PRKAR1B: variants seen among roughly 807,000 people sequenced by gnomAD.
The protein encoded by PRKAR1B is cAMP-dependent protein kinase type I-beta regulatory subunit.
PRKAR1B carries 22 observed loss-of-function variants against 46.5 expected under a neutral mutation model. That is an observed-to-expected ratio of 0.47 (90% CI 0.34 to 0.68). PRKAR1B has a LOEUF of 0.68. Among genes scored for constraint, PRKAR1B ranks in the 30% least tolerant of loss-of-function variants. The pLI is 0.01. For missense variants in PRKAR1B, 445 were observed against 535.6 expected, an observed-to-expected ratio of 0.83 and a Z score of 1.67; for synonymous variants, 259 against 217.7, an observed-to-expected ratio of 1.19 and a Z score of -1.67.
intron 9 of PRKAR1B, among the ~76,000 whole-genome samples, chr7:577,834 T>C (rs551877507): frequency 9.8e-5 from 15 of 152,326 alleles, no homozygotes; most frequent in African/African-American, 3.4e-4. Context: ...ATGAACAGCT[T>C]TACTGAGGTG....
At chr7:618,473 CAT>C (rs1199157386) in intron 4 of PRKAR1B, among the ~76,000 whole-genome samples, 1 of 152,180 alleles carries the variant, frequency 6.6e-6, no homozygotes, top group Non-Finnish European at 1.5e-5. Context: ...TCTCTTAAAA[CAT>C]AGAATCTTAA....
chr7:569,988 T>G (rs977242536), intron 9 of PRKAR1B, among the ~76,000 whole-genome samples: 1 of 152,230 alleles, frequency 6.6e-6, no homozygotes, highest in Non-Finnish European at 1.5e-5. Flanking sequence ...TTTCTTCCAG[T>G]CCAGCCCAGA....
rs35487659 is a variant in PRKAR1B, at chr7:721,648, C to CA, written c.-23+5561dup. Among the ~76,000 whole-genome samples, 1,257 of 145,676 alleles carry CA rather than the reference C, an allele frequency of 8.6e-3. 22 individuals are homozygous for CA. Among genetic ancestry groups the CA allele is most frequent in the African/African-American group, 0.027 (1,092 of 39,910 alleles). On this transcript the variant is annotated intron_variant, in intron 1 of 10. Coordinates refer to ENST00000537384, the MANE Select transcript of PRKAR1B (RefSeq NM_001164760.2). Reference sequence around the variant, plus strand: ...GGGCAACAAGAGCGAAATTCCGTCTCAAAAAAAAAAAAAATTACCTTTCTG... The same window carrying CA: ...GGGCAACAAGAGCGAAATTCCGTCTCAAAAAAAAAAAAAAATTACCTTTCTG...
intron 9 of PRKAR1B, among the ~76,000 whole-genome samples, chr7:570,646 A>C (rs955188702): frequency 6.6e-6 from 1 of 152,104 alleles, no homozygotes; most frequent in African/African-American, 2.4e-5. Context: ...GCCCTCGGCA[A>C]AGCAGCTGGA....
intron 1 of PRKAR1B, among the ~76,000 whole-genome samples, chr7:715,653 A>T (rs1780845956): frequency 6.6e-6 from 1 of 151,954 alleles, no homozygotes; most frequent in Non-Finnish European, 1.5e-5. Context: ...TGCCTGTAGG[A>T]TTCATCATGA....
intron 4 of PRKAR1B, among the ~76,000 whole-genome samples, chr7:612,926 G>A (rs1416863214): frequency 1.3e-5 from 2 of 152,036 alleles, no homozygotes; most frequent in Admixed American, 1.3e-4. Flanking sequence ...AAACGACAAT[G>A]AAAAGATGTG....
At chr7:634,763 C>T (rs1225135568) in intron 4 of PRKAR1B, among the ~76,000 whole-genome samples, 1 of 151,990 alleles carries the variant, frequency 6.6e-6, no homozygotes, top group Non-Finnish European at 1.5e-5. Flanking sequence ...CCTCAGCCTC[C>T]CGAGTAGCTG....
intron 1 of PRKAR1B, among the ~76,000 whole-genome samples, chr7:718,333 T>A (rs1382080760): frequency 6.8e-6 from 1 of 148,140 alleles, no homozygotes; most frequent in Non-Finnish European, 1.5e-5. Flanking sequence ...TATGTATGTA[T>A]ATATATATAT....
rs1189652005 is a variant in PRKAR1B at position 660,978 on chromosome 7, C to G, written c.440+16251G>C. ...ACTCTTCCCCTCCATGGCACAGGTCCCCACCCCAACAGATCCAAATACCTA... is the reference window on the plus strand; with the variant it reads ...ACTCTTCCCCTCCATGGCACAGGTCGCCACCCCAACAGATCCAAATACCTA... On this transcript the variant is annotated intron_variant, in intron 4 of 10. Transcript: ENST00000537384. Among the ~76,000 whole-genome samples the G allele has an allele frequency of 1.5e-3, 160 of 109,624 alleles. 1 individual carries two copies. Among genetic ancestry groups the G allele is most frequent in the African/African-American group, 5.9e-3 (155 of 26,386 alleles). 71.9% of individuals were successfully genotyped at this position (109,624 alleles called of 152,430 possible).
intron 1 of PRKAR1B, among the ~76,000 whole-genome samples, chr7:720,527 A>G (rs1781036915): frequency 6.6e-6 from 1 of 152,222 alleles, no homozygotes; most frequent in African/African-American, 2.4e-5. Flanking sequence ...TTGCTCTGCT[A>G]TACCTTAATG....
At chr7:620,313 G>A (rs1423519081) in intron 4 of PRKAR1B, among the ~76,000 whole-genome samples, 1 of 152,188 alleles carries the variant, frequency 6.6e-6, no homozygotes, top group Non-Finnish European at 1.5e-5. Flanking sequence ...TTCAGATCGT[G>A]TTTTATGTCC....
At chr7:625,084 A>T (rs1350719451) in intron 4 of PRKAR1B, among the ~76,000 whole-genome samples, 1 of 152,264 alleles carries the variant, frequency 6.6e-6, no homozygotes, top group East Asian at 1.9e-4. Flanking sequence ...GAAGTGAATT[A>T]AACTAGAAGT....
At chr7:563,688 C>G (rs1778952073) in intron 9 of PRKAR1B, among the ~76,000 whole-genome samples, 1 of 151,884 alleles carries the variant, frequency 6.6e-6, no homozygotes, top group Non-Finnish European at 1.5e-5. Flanking sequence ...TGCATACATG[C>G]ATGTCTGTGC....
At chr7:562,370 T>C (rs1778857347) in intron 9 of PRKAR1B, among the ~76,000 whole-genome samples, 1 of 152,134 alleles carries the variant, frequency 6.6e-6, no homozygotes, top group Non-Finnish European at 1.5e-5. Flanking sequence ...GAGGGCCCTG[T>C]CGCCTCCAGC....
intron 4 of PRKAR1B, among the ~76,000 whole-genome samples, chr7:632,154 G>A (rs1427522108): frequency 1.3e-5 from 2 of 152,204 alleles, no homozygotes; most frequent in African/African-American, 4.8e-5. Context: ...TGCTGGCCAA[G>A]GTCTGTTATC....
At chr7:693,238 CT>C (rs111739617) in intron 2 of PRKAR1B, among the ~76,000 whole-genome samples, 24,275 of 138,248 alleles carry the variant, frequency 0.18, 2,489 homozygotes, top group African/African-American at 0.31. Flanking sequence ...TCCTGTCGAG[CT>C]TTTTTTTTTT....
At chr7:658,244 G>A (rs1224262011) in intron 4 of PRKAR1B, among the ~76,000 whole-genome samples, 1 of 152,114 alleles carries the variant, frequency 6.6e-6, no homozygotes, top group East Asian at 1.9e-4. Context: ...GACCAGCCTG[G>A]GCAACACAGC....
upstream of PRKAR1B, chr7:727,287 C>T: frequency 7.7e-7 from 1 of 1,306,414 alleles, no homozygotes; most frequent in Non-Finnish European, 9.7e-7. Flanking sequence ...GCTGCAGCTG[C>T]GCCGCCGCCC....
At chr7:675,687 C>G (rs184400965) in intron 4 of PRKAR1B, among the ~76,000 whole-genome samples, 5 of 152,278 alleles carry the variant, frequency 3.3e-5, no homozygotes, top group African/African-American at 1.2e-4. Context: ...GTGGCTCACG[C>G]CTGTAATCCC....
Sources: allele counts gnomAD v4.1 joint callset (sites outside exome capture counted in the v4.1 genomes callset), GRCh38; gene constraint gnomAD v4.1.1; transcripts MANE v1.5; gene names NCBI Gene and HGNC (gene_info 2026-07-23, HGNC 2026-07-21).